ANKRD17: variants seen among roughly 807,000 people sequenced by gnomAD.
The protein encoded by ANKRD17 is ankyrin repeat domain-containing protein 17.
Under a neutral mutation model 229.7 loss-of-function variants are expected in ANKRD17, and 19 were observed. The observed-to-expected ratio is 0.08, with a 90% confidence interval of 0.06 to 0.12. The LOEUF (loss-of-function observed/expected upper bound fraction) is 0.12. Ranked by LOEUF, ANKRD17 falls within the 10% of genes least tolerant of loss-of-function variation. The pLI is 1.00. For synonymous variants in ANKRD17, 1,112 were observed against 1,146.1 expected (o/e 0.97, Z 0.60); for missense variants, 2,176 against 3,176.8 (o/e 0.68, Z 7.57).
chr4:73,125,840 A>T (rs1727387466), intron 16 of ANKRD17, among the ~76,000 whole-genome samples: 1 of 152,188 alleles, frequency 6.6e-6, no homozygotes, highest in Non-Finnish European at 1.5e-5. Context: ...AAGAAAAATA[A>T]AGTATGACTT....
chr4:73,132,021 A>G (rs1327395495), intron 16 of ANKRD17, among the ~76,000 whole-genome samples: 8 of 152,156 alleles, frequency 5.3e-5, no homozygotes, highest in Non-Finnish European at 1.0e-4. Context: ...TCTTATCAAA[A>G]CAAAAACTTT....
At chr4:73,244,694 T>C (rs1364304356) in intron 1 of ANKRD17, among the ~76,000 whole-genome samples, 1 of 152,156 alleles carries the variant, frequency 6.6e-6, no homozygotes, top group Non-Finnish European at 1.5e-5. Context: ...TTTGTTCAAA[T>C]GATCCATCCT....
At chr4:73,251,366 C>CA (rs1204324404) in intron 1 of ANKRD17, among the ~76,000 whole-genome samples, 2 of 151,888 alleles carry the variant, frequency 1.3e-5, no homozygotes, top group African/African-American at 2.4e-5. Context: ...TTTCTAAAGA[C>CA]AAAAAAATGT....
In ANKRD17 at chr4:73,247,369, G is replaced by C. The variant is rs531985993; in HGVS notation, c.393+10907C>G. Among the ~76,000 whole-genome samples, 5 of 152,058 alleles carry C rather than the reference G, an allele frequency of 3.3e-5. No individual in the cohort carries two copies. In the East Asian group the frequency reaches 9.6e-4, roughly 29 times the overall value. ...TCTAGCCCAACAATTCCATTTCCAG[G>C]AATCCATCCCAAAGAAATAGTTTCA... On this transcript the variant is annotated intron_variant, in intron 1 of 33. Coordinates refer to ENST00000358602, the MANE Select transcript of ANKRD17 (RefSeq NM_032217.5).
chr4:73,205,388 C>CA (rs1187840300), intron 1 of ANKRD17, among the ~76,000 whole-genome samples: 4 of 151,876 alleles, frequency 2.6e-5, no homozygotes, highest in Non-Finnish European at 5.9e-5. Flanking sequence ...ATGACACTAG[C>CA]AAAAAAACAC....
At chr4:73,227,668 T>A (rs1033054535) in intron 1 of ANKRD17, among the ~76,000 whole-genome samples, 1 of 151,484 alleles carries the variant, frequency 6.6e-6, no homozygotes, top group Non-Finnish European at 1.5e-5. Flanking sequence ...AAATGAAGAG[T>A]GAAACCTCTC....
chr4:73,125,699 C>G (rs1420077618), intron 16 of ANKRD17, among the ~76,000 whole-genome samples: 1 of 146,416 alleles, frequency 6.8e-6, no homozygotes, highest in African/African-American at 2.5e-5. Context: ...CGCCACTGCA[C>G]TCCAGCCTGG....
At chr4:73,191,757 T>G (rs1430291747) in intron 1 of ANKRD17, among the ~76,000 whole-genome samples, 2 of 151,988 alleles carry the variant, frequency 1.3e-5, no homozygotes. Context: ...TCACTGGGAA[T>G]CAGGCAATAT....
At chr4:73,157,137 G>A (rs993176512) in intron 3 of ANKRD17, among the ~76,000 whole-genome samples, 3 of 151,830 alleles carry the variant, frequency 2.0e-5, no homozygotes, top group Admixed American at 1.3e-4. Context: ...TCTTTTGTTC[G>A]GTCAGTAGAA....
In ANKRD17 at chr4:73,184,549, A is replaced by AAAAAG. The variant is rs1382365306; in HGVS notation, c.394-7021_394-7017dup. 4.7e-5 allele frequency among the ~76,000 whole-genome samples: 7 copies of AAAAAG among 150,518 alleles called. No homozygotes were observed. In the South Asian group the frequency reaches 8.4e-4, roughly 18 times the overall value. ...CTCTCAAAAAAAAAAAAAAAAAAAA[A>AAAAAG]AAAAGAAAAGAAAACTAGTATATTT... On this transcript the variant is annotated intron_variant, in intron 1 of 33. Transcript: ENST00000358602.
intron 1 of ANKRD17, among the ~76,000 whole-genome samples, chr4:73,206,439 A>C (rs1156583709): frequency 6.6e-5 from 10 of 151,998 alleles, no homozygotes; most frequent in Admixed American, 1.3e-4. Context: ...AGAGAGAGAG[A>C]GAGAGAGAGA....
At chr4:73,177,767 T>C (rs1734933773) in intron 1 of ANKRD17, among the ~76,000 whole-genome samples, 3 of 152,212 alleles carry the variant, frequency 2.0e-5, no homozygotes, top group Admixed American at 6.5e-5. Context: ...GCAGCCTAAT[T>C]TTCTTTACTA....
At chr4:73,186,338 A>G (rs1277050458) in intron 1 of ANKRD17, among the ~76,000 whole-genome samples, 1 of 152,116 alleles carries the variant, frequency 6.6e-6, no homozygotes, top group Non-Finnish European at 1.5e-5. Context: ...GAAAGAAAAT[A>G]AAAACCCACT....
chr4:73,201,196 G>A (rs532038503), intron 1 of ANKRD17, among the ~76,000 whole-genome samples: 9 of 151,908 alleles, frequency 5.9e-5, no homozygotes, highest in Non-Finnish European at 8.8e-5. Flanking sequence ...ACCAAAAAAT[G>A]TAAATAACAG....
At chr4:73,118,136 C>T (rs1726216374) in intron 22 of ANKRD17, among the ~76,000 whole-genome samples, 1 of 152,094 alleles carries the variant, frequency 6.6e-6, no homozygotes, top group African/African-American at 2.4e-5. Flanking sequence ...CCTATCTCAG[C>T]CTCCTGAGTA....
At chr4:73,207,787 C>G (rs1739674495) in intron 1 of ANKRD17, among the ~76,000 whole-genome samples, 1 of 152,178 alleles carries the variant, frequency 6.6e-6, no homozygotes, top group Admixed American at 6.5e-5. Context: ...CAAAAACTGA[C>G]AAATCGGAAA....
intron 1 of ANKRD17, among the ~76,000 whole-genome samples, chr4:73,206,446 G>C (rs1486607440): frequency 6.6e-6 from 1 of 151,794 alleles, no homozygotes; most frequent in Non-Finnish European, 1.5e-5. Context: ...GAGAGAGAGA[G>C]AGAGAGAGAT....
At chr4:73,156,384 C>T (rs1338607107) in intron 3 of ANKRD17, among the ~76,000 whole-genome samples, 3 of 152,164 alleles carry the variant, frequency 2.0e-5, no homozygotes, top group Admixed American at 2.0e-4. Flanking sequence ...ACTAGGATTA[C>T]AGATGTGAAC....
intron 1 of ANKRD17, among the ~76,000 whole-genome samples, chr4:73,257,629 T>C (rs1423824180): frequency 6.6e-6 from 1 of 152,234 alleles, no homozygotes; most frequent in Admixed American, 6.5e-5. Context: ...CTGATAAATT[T>C]ATACAAATAC....
Sources: gnomAD v4.1 joint callset for allele counts (sites outside exome capture counted in the v4.1 genomes callset) on GRCh38, gnomAD v4.1.1 for gene constraint, MANE v1.5 for transcripts, NCBI Gene and HGNC (gene_info 2026-07-23, HGNC 2026-07-21) for gene names.